STOML1: variants seen among roughly 807,000 people sequenced by gnomAD.
STOML1 encodes stomatin-like protein 1.
Under a neutral mutation model 35.7 loss-of-function variants are expected in STOML1, and 27 were observed. That is an observed-to-expected ratio of 0.76 (90% confidence interval 0.56 to 1.04). The LOEUF is 1.04. Among genes scored for constraint, STOML1 ranks in the 50% least tolerant of loss-of-function variants. The pLI, the probability that STOML1 is intolerant of heterozygous loss-of-function variation, is 0.00. For missense variants in STOML1, 451 were observed against 527.1 expected (o/e 0.86, Z 1.41); for synonymous variants, 219 against 227.9 (o/e 0.96, Z 0.35).
intron 2 of STOML1, chr15:73,989,977 A>G (rs1200273278): frequency 2.5e-5 from 5 of 203,788 alleles, no homozygotes; most frequent in South Asian, 1.5e-4. Context: ...CTTATGGAAA[A>G]TGAGGCCTGA....
At chr15:73,992,455 T>G, upstream of STOML1, 6 of 378,792 alleles carry the variant, frequency 1.6e-5, no homozygotes, top group Non-Finnish European at 2.3e-5. Context: ...GTGATCGGCG[T>G]TCCTCGGACC....
rs1264151390 is a variant in STOML1 at position 73,988,935 on chromosome 15, A to G, written c.391-133T>C. The G allele has an allele frequency of 1.3e-5, 18 of 1,429,678 alleles. No individual in the cohort carries two copies. Among genetic ancestry groups the G allele is most frequent in the Non-Finnish European group, 1.7e-5 (18 of 1,057,202 alleles). The allele number at this position is 1,429,678 out of a possible 1,614,324, so 88.6% of individuals were successfully genotyped here. A position where few individuals can be genotyped will look rare whatever the true frequency, so the allele number is the denominator to read the frequency against. On this transcript the variant is annotated intron_variant, in intron 3 of 6. Coordinates refer to ENST00000541638, the MANE Select transcript of STOML1 (RefSeq NM_004809.5). This position sits in a 1 kb window ranked among gnomAD's most constrained non-coding sequence, Gnocchi z 4.8. The stretch of plus-strand genomic sequence containing the variant: ...TCAAGGGCAAATGGTGTCACCAAGT[A>G]TGTAGGGTTAGGTGTATGAAGCAAG...
intron 1 of STOML1, chr15:73,991,793 G>A (rs990301769): frequency 6.3e-5 from 37 of 588,462 alleles, no homozygotes; most frequent in African/African-American, 6.1e-4. Flanking sequence ...AACCTGAAAC[G>A]TCTTCCCAGG....
rs768655218 is a variant in STOML1 at position 73,988,787 on chromosome 15, C to T, written c.406G>A (p.Gly136Arg). The change falls in exon 4 of 7, where the codon GGG becomes AGG. Residue 136 changes from glycine (G) to arginine (R), a missense_variant. Coordinates refer to ENST00000541638, the MANE Select transcript of STOML1 (RefSeq NM_004809.5). The surrounding 1 kb of genome is among the most constrained non-coding windows in gnomAD (Gnocchi z 4.8). ...TCGGCTCCCACGGACAGCACAGCCC[C>T]GTCCTTAGAGGCCAGCTGTTGGGGG... The part of the protein sequence containing the change: ...VPPCKLASKD[G>R]AVLSVGADVQ... 12 of 1,612,424 alleles carry T rather than the reference C, an allele frequency of 7.4e-6. 1 individual carries two copies. In the Admixed American group the frequency reaches 1.0e-4, roughly 13 times the overall value.
intron 1 of STOML1, chr15:73,990,932 G>A (rs550080802): frequency 1.3e-6 from 2 of 1,514,572 alleles, no homozygotes; most frequent in South Asian, 2.5e-5. Context: ...TCCTTATGAA[G>A]ATGATGCCTT....
intron 4 of STOML1, 95 bp from the exon 5 acceptor site, chr15:73,985,608 G>A: frequency 7.1e-7 from 1 of 1,398,922 alleles, no homozygotes; most frequent in Non-Finnish European, 9.6e-7. Context: ...TGGACATGGA[G>A]GCACCACACC....
At chr15:73,992,350 G>A, upstream of STOML1, 1 of 1,202,602 alleles carries the variant, frequency 8.3e-7, no homozygotes, top group Non-Finnish European at 1.1e-6. Context: ...CGGCGGCGCG[G>A]GCGCAGGAAG....
chr15:73,979,617 G>A lies in STOML1; in HGVS notation c.*4320C>T, dbSNP rs1177445187. ...TCCACCTGCCTCGGCCTCCCAAAGT[G>A]CTGGGATTAGAGGCGCAAGCCAGCC... On this transcript the variant is annotated 3_prime_UTR_variant, in exon 7 of 7. Transcript: ENST00000541638. The A allele has an allele frequency of 6.6e-6, 1 of 152,270 alleles. No homozygotes were observed. The highest frequency in any genetic ancestry group is 1.9e-4 in the East Asian group (1 of 5,198). The allele number at this position is 152,270 out of a possible 1,614,324, so 9.4% of individuals were successfully genotyped here.
chr15:73,987,108 C>G (rs1212611714), intron 4 of STOML1: 1 of 153,222 alleles, frequency 6.5e-6, no homozygotes, highest in Non-Finnish European at 1.5e-5. Flanking sequence ...TGTTAGGAGG[C>G]AAGGCCTGCT....
In STOML1 at chr15:73,984,878, G is replaced by A. The variant is rs767491374; in HGVS notation, c.791-7C>T. On this transcript the variant is annotated splice_polypyrimidine_tract_variant and splice_region_variant and intron_variant, in intron 5 of 6. Coordinates refer to ENST00000541638, the MANE Select transcript of STOML1 (RefSeq NM_004809.5). The stretch of plus-strand genomic sequence containing the variant: ...ACCATCTCCACGGTGTCTGCTGGGG[G>A]TGGCCAACAGGGTTGGGGAAGGAGG... 6.2e-7 allele frequency: 1 copy of A among 1,613,798 alleles called. No homozygotes were observed. The highest frequency in any genetic ancestry group is 8.5e-7 in the Non-Finnish European group (1 of 1,180,008).
chr15:73,985,441 G>A lies in STOML1; in HGVS notation c.667C>T (p.Leu223Phe). ...GCTGGGCTGTCCTGGGGCGGCTGGA[G>A]CACGGCCTCCACTGCCAGCTCCACG... The part of the protein sequence containing the change: ...DRVELAVEAV[L>F]QPPQDSPAGP... Residue 223 changes from leucine (L) to phenylalanine (F), a missense_variant, in exon 5 of 7, where the codon CTC becomes TTC. Transcript: ENST00000541638. 6.4e-7 allele frequency: 1 copy of A among 1,551,684 alleles called. No individual in the cohort carries two copies. The highest frequency in any genetic ancestry group is 1.4e-5 in the African/African-American group (1 of 71,324).
upstream of STOML1, among the ~76,000 whole-genome samples, chr15:73,994,049 G>A (rs2069363276): frequency 6.6e-6 from 1 of 152,122 alleles, no homozygotes; most frequent in African/African-American, 2.4e-5. Flanking sequence ...TTGTCAGAGT[G>A]ACTGTCCCAT....
Position 73,988,828 on chromosome 15 carries a change from G to C in STOML1, c.391-26C>G. On this transcript the variant is annotated intron_variant, in intron 3 of 6. Transcript: ENST00000541638. This position sits in a 1 kb window ranked among gnomAD's most constrained non-coding sequence, Gnocchi z 4.8. ...CTGTTGGGGGAGGCCATGAGAGAGA[G>C]ACACTCAAGGGGCTGGGGGTGCAGG... 1 of 1,600,894 alleles carries C rather than the reference G, an allele frequency of 6.2e-7. No individual in the cohort carries two copies. The highest frequency in any genetic ancestry group is 8.5e-7 in the Non-Finnish European group (1 of 1,169,710).
At chr15:73,987,694 C>G (rs1266645330) in intron 4 of STOML1, 2 of 152,220 alleles carry the variant, frequency 1.3e-5, no homozygotes, top group Non-Finnish European at 2.9e-5. Context: ...TTAGCCTTAG[C>G]TTCCTCCCTC....
chr15:73,985,735 C>T (rs1169257580), intron 4 of STOML1: 2 of 529,412 alleles, frequency 3.8e-6, no homozygotes, highest in Non-Finnish European at 3.2e-6. Context: ...GAGGGTGGTG[C>T]CAGCAGGAGG....
intron 1 of STOML1, among the ~76,000 whole-genome samples, chr15:73,991,354 G>A (rs560781742): frequency 6.6e-6 from 1 of 152,210 alleles, no homozygotes; most frequent in African/African-American, 2.4e-5. Flanking sequence ...GGAAGCAGTC[G>A]GGAGCCCTGC....
chr15:73,987,552 A>G (rs1016502543), intron 4 of STOML1: 3 of 152,254 alleles, frequency 2.0e-5, no homozygotes, highest in African/African-American at 7.2e-5. Context: ...AAAAGTTGTT[A>G]TCCACTTGCT....
In STOML1 at chr15:73,984,743, C is replaced by T; in HGVS notation, c.919G>A (p.Val307Ile). The change falls in exon 6 of 7, where the codon GTC becomes ATC. Residue 307 changes from valine (V) to isoleucine (I), a missense_variant. Coordinates refer to ENST00000541638, the MANE Select transcript of STOML1 (RefSeq NM_004809.5). ...TGGTAGCAGGCCCCGACTTGGCTGACCAGGGCCTCAGACAGGAAGGGCTGT... is the reference window on the plus strand; with the variant it reads ...TGGTAGCAGGCCCCGACTTGGCTGATCAGGGCCTCAGACAGGAAGGGCTGT... ...ALQPFLSEAL[V>I]SQVGACYQFN... 1 of 1,614,056 alleles carries T rather than the reference C, an allele frequency of 6.2e-7. No homozygotes were observed. Among genetic ancestry groups the T allele is most frequent in the Non-Finnish European group, 8.5e-7 (1 of 1,180,032 alleles).
upstream of STOML1, chr15:73,992,400 C>A: frequency 1.6e-6 from 1 of 636,046 alleles, no homozygotes; most frequent in Non-Finnish European, 2.3e-6. Context: ...TCGCATGGCT[C>A]CCCCTGCGCT....
Sources: gnomAD v4.1 joint callset for allele counts (sites outside exome capture counted in the v4.1 genomes callset) on GRCh38, gnomAD v4.1.1 for gene constraint, Gnocchi (gnomAD v3.1) non-coding constraint, MANE v1.5 for transcripts, NCBI Gene and HGNC (gene_info 2026-07-23, HGNC 2026-07-21) for gene names.